Variants in CLSTN1 observed in about 807,000 individuals in gnomAD.
CLSTN1 encodes calsyntenin-1.
A neutral mutation model predicts 108.3 loss-of-function variants in CLSTN1; 28 were observed. The observed-to-expected ratio is 0.26, with a 90% CI of 0.19 to 0.35. The LOEUF is 0.35. Among genes scored for constraint, CLSTN1 ranks in the 10% least tolerant of loss-of-function variants. The pLI is 1.00. For missense variants in CLSTN1, 1,157 were observed against 1,302.6 expected (o/e 0.89, Z 1.72); for synonymous variants, 524 against 534.9 (o/e 0.98, Z 0.28).
At chr1:9,776,000 C>T (rs1418917383) in intron 1 of CLSTN1, among the ~76,000 whole-genome samples, 2 of 150,264 alleles carry the variant, frequency 1.3e-5, no homozygotes, top group African/African-American at 4.9e-5. Flanking sequence ...TGAGATGGAG[C>T]CTTGCTCTGT....
chr1:9,796,605 A>G lies in CLSTN1; in HGVS notation c.92-23211T>C, dbSNP rs887676778. ...AGGCTGAGGCAGGAGAATGGCGTGA[A>G]CCTGAGAGGCGGAGCTTGCAGTGAG... On this transcript the variant is annotated intron_variant, in intron 1 of 18. Transcript: ENST00000377298. 2.6e-5 allele frequency among the ~76,000 whole-genome samples: 4 copies of G among 151,232 alleles called. 1 individual carries two copies. The highest frequency in any genetic ancestry group is 2.0e-4 in the Admixed American group (3 of 14,940).
chr1:9,806,291 A>T (rs975829317), intron 1 of CLSTN1, among the ~76,000 whole-genome samples: 1 of 152,012 alleles, frequency 6.6e-6, no homozygotes, highest in Admixed American at 6.6e-5. Flanking sequence ...ATAAGAGCAA[A>T]ACTCTGTCTC....
rs1159736063 is a variant in CLSTN1 at position 9,730,108 on chromosome 1, A to T, written c.*400T>A. On this transcript the variant is annotated 3_prime_UTR_variant, in exon 19 of 19. Coordinates refer to ENST00000377298, the MANE Select transcript of CLSTN1 (RefSeq NM_001009566.3). The surrounding 1 kb of genome is among the most constrained non-coding windows in gnomAD (Gnocchi z 5.6). Reference sequence around the variant, plus strand: ...AAAAAATAAAAACTTTTTTTAAAAAAAGAAAAAAATGATTACCGGGTGGGA... The same window carrying T: ...AAAAAATAAAAACTTTTTTTAAAAATAGAAAAAAATGATTACCGGGTGGGA... 4.4e-6 allele frequency: 1 copy of T among 227,408 alleles called. No homozygotes were observed. Among genetic ancestry groups the T allele is most frequent in the Admixed American group, 5.0e-5 (1 of 20,076 alleles). The allele number at this position is 227,408 out of a possible 1,614,324, so 14.1% of individuals were successfully genotyped here.
chr1:9,801,676 T>C (rs1214734720), intron 1 of CLSTN1, among the ~76,000 whole-genome samples: 1 of 152,154 alleles, frequency 6.6e-6, no homozygotes, highest in Non-Finnish European at 1.5e-5. Flanking sequence ...TGCCTCAGCC[T>C]CCCGAGTAGC....
chr1:9,781,168 T>C, intron 1 of CLSTN1: 1 of 788,530 alleles, frequency 1.3e-6, no homozygotes, highest in Non-Finnish European at 2.3e-6. Flanking sequence ...ACCCAGAAGC[T>C]TTATCATCAG....
chr1:9,756,370 T>C, intron 3 of CLSTN1, 111 bp downstream of exon 3: 1 of 815,790 alleles, frequency 1.2e-6, no homozygotes, highest in Non-Finnish European at 2.0e-6. Context: ...GGAGAATAAA[T>C]AAGGATAAAA....
At chr1:9,799,053 C>T (rs890417147) in intron 1 of CLSTN1, among the ~76,000 whole-genome samples, 1 of 152,018 alleles carries the variant, frequency 6.6e-6, no homozygotes, top group Non-Finnish European at 1.5e-5. Flanking sequence ...TAGTGGTGCA[C>T]GCCCATGGTC....
At chr1:9,781,361 A>G (rs2101189668) in intron 1 of CLSTN1, 1 of 489,116 alleles carries the variant, frequency 2.0e-6, no homozygotes. Context: ...TCCTTTTTAA[A>G]AGAATTATAA....
intron 7 of CLSTN1, among the ~76,000 whole-genome samples, chr1:9,746,787 C>A (rs2101100350): frequency 6.6e-6 from 1 of 151,952 alleles, no homozygotes; most frequent in East Asian, 1.9e-4. Flanking sequence ...AGCTACTTAA[C>A]CTGCTTTAGT....
At chr1:9,791,941 G>C (rs946682426) in intron 1 of CLSTN1, among the ~76,000 whole-genome samples, 1 of 151,142 alleles carries the variant, frequency 6.6e-6, no homozygotes, top group East Asian at 2.0e-4. Flanking sequence ...CTGAGGTCAG[G>C]AGTTCCAGAC....
intron 11 of CLSTN1, among the ~76,000 whole-genome samples, chr1:9,737,079 A>G (rs1164861362): frequency 4.0e-5 from 6 of 150,548 alleles, no homozygotes; most frequent in Non-Finnish European, 8.9e-5. Context: ...TCTCAAAACA[A>G]AAAAAAAAGA....
At chr1:9,812,848 C>CAAAAAAA (rs1266998113) in intron 1 of CLSTN1, among the ~76,000 whole-genome samples, 26 of 86,206 alleles carry the variant, frequency 3.0e-4, no homozygotes, top group African/African-American at 1.1e-3. Context: ...AACTCTATCT[C>CAAAAAAA]AAAAAAAAAA....
At position 9,730,777 on chromosome 1, in the gene CLSTN1, G is replaced by T. The variant is rs559218313; in HGVS notation, c.2749-72C>A. ...CCCCGTCACCTGGCATTCTCCTCTC[G>T]ACAGCCACAGAGGAAGGAGAACTTG... On this transcript the variant is annotated intron_variant, in intron 18 of 18. Transcript: ENST00000377298. The surrounding 1 kb of genome is among the most constrained non-coding windows in gnomAD (Gnocchi z 5.6). 6.5e-6 allele frequency: 9 copies of T among 1,384,080 alleles called. No individual in the cohort carries two copies. The South Asian group carries it at 1.1e-4, about 17-fold the overall frequency. The allele number at this position is 1,384,080 out of a possible 1,614,324, so 85.7% of individuals were successfully genotyped here.
intron 1 of CLSTN1, among the ~76,000 whole-genome samples, chr1:9,791,008 T>C (rs2101225093): frequency 6.6e-6 from 1 of 150,846 alleles, no homozygotes; most frequent in South Asian, 2.2e-4. Flanking sequence ...GGTGGGCGCC[T>C]GTAGTCCCAG....
At chr1:9,817,359 C>T (rs963106854) in intron 1 of CLSTN1, among the ~76,000 whole-genome samples, 1 of 152,070 alleles carries the variant, frequency 6.6e-6, no homozygotes, top group Non-Finnish European at 1.5e-5. Flanking sequence ...CGGAGTTTTG[C>T]TCTTGTTGCC....
intron 8 of CLSTN1, among the ~76,000 whole-genome samples, 182 bp from the exon 9 acceptor site, chr1:9,744,187 A>G (rs1260931936): frequency 6.6e-6 from 1 of 152,210 alleles, no homozygotes; most frequent in Non-Finnish European, 1.5e-5. Context: ...GCCTGTGATC[A>G]CCGTGGACCC....
In CLSTN1 at chr1:9,731,907, G is replaced by A; in HGVS notation, c.2428-11C>T. On this transcript the variant is annotated splice_polypyrimidine_tract_variant and intron_variant, in intron 16 of 18. Coordinates refer to ENST00000377298, the MANE Select transcript of CLSTN1 (RefSeq NM_001009566.3). Reference sequence around the variant, plus strand: ...GTGGATTACATTCACCTATAGCAGAGAAAGAGAGGATCGCTGGAGACAGGC... The same window carrying A: ...GTGGATTACATTCACCTATAGCAGAAAAAGAGAGGATCGCTGGAGACAGGC... 1 of 1,614,134 alleles carries A rather than the reference G, an allele frequency of 6.2e-7. No individual in the cohort carries two copies.
At chr1:9,747,500 CTTAT>C (rs1012856195) in intron 7 of CLSTN1, among the ~76,000 whole-genome samples, 5 of 151,898 alleles carry the variant, frequency 3.3e-5, no homozygotes, top group Non-Finnish European at 5.9e-5. Flanking sequence ...TAATTTTCTT[CTTAT>C]TTATTGTTTT....
At chr1:9,781,579 G>C (rs538868379) in intron 1 of CLSTN1, among the ~76,000 whole-genome samples, 16 of 152,042 alleles carry the variant, frequency 1.1e-4, no homozygotes, top group African/African-American at 3.6e-4. Flanking sequence ...AAGTAGCTGG[G>C]ATTACAGGAG....
Sources: gnomAD v4.1 joint callset for allele counts (sites outside exome capture counted in the v4.1 genomes callset) on GRCh38, gnomAD v4.1.1 for gene constraint, Gnocchi (gnomAD v3.1) non-coding constraint, MANE v1.5 for transcripts, NCBI Gene and HGNC (gene_info 2026-07-23, HGNC 2026-07-21) for gene names.